The following UBN2 variants were observed in gnomAD, a reference collection of about 807,000 sequenced individuals.
The protein encoded by UBN2 is ubinuclein 2.
In UBN2, 35 loss-of-function variants were observed where a neutral mutation model predicts 120.2. That is an observed-to-expected ratio of 0.29 (90% CI 0.22 to 0.39). The LOEUF (loss-of-function observed/expected upper bound fraction) is 0.39. UBN2 is among the 10% of genes least tolerant of loss of function. The pLI, the probability that UBN2 is intolerant of heterozygous loss-of-function variation, is 1.00. For synonymous variants in UBN2, 661 were observed against 648.7 expected, an observed-to-expected ratio of 1.02 and a Z score of -0.29; for missense variants, 1,693 against 1,663.2, an observed-to-expected ratio of 1.02 and a Z score of -0.31.
chr7:139,258,124 T>G (rs1023406856), intron 3 of UBN2, among the ~76,000 whole-genome samples: 7 of 152,266 alleles, frequency 4.6e-5, no homozygotes, highest in African/African-American at 1.7e-4. Flanking sequence ...ATTTACTCCT[T>G]ATCTGGACAC....
intron 2 of UBN2, among the ~76,000 whole-genome samples, chr7:139,246,852 G>C (rs573366048): frequency 6.6e-6 from 1 of 152,228 alleles, no homozygotes; most frequent in Non-Finnish European, 1.5e-5. Flanking sequence ...ACTTAGCATA[G>C]TACTTTTGAA....
the UBN2 span, among the ~76,000 whole-genome samples, chr7:139,314,615 A>G: frequency 2.0e-5 from 3 of 151,830 alleles, no homozygotes. Context: ...CCTCCCAAGT[A>G]GCTGGAATTA....
chr7:139,243,442 G>A (rs1357051005), intron 2 of UBN2, among the ~76,000 whole-genome samples: 1 of 152,166 alleles, frequency 6.6e-6, no homozygotes, highest in African/African-American at 2.4e-5. Context: ...GAAAAAGAGA[G>A]TAATTCAACA....
downstream of UBN2, among the ~76,000 whole-genome samples, chr7:139,309,696 C>T (rs1041028270): frequency 2.6e-5 from 4 of 152,148 alleles, no homozygotes; most frequent in Non-Finnish European, 5.9e-5. Context: ...CATGGAGAAA[C>T]CCCGTCTTCT....
chr7:139,308,527 A>T (rs1172656987), downstream of UBN2, among the ~76,000 whole-genome samples: 1 of 152,092 alleles, frequency 6.6e-6, no homozygotes, highest in African/African-American at 2.4e-5. Context: ...ATGTGGGAAG[A>T]CTCAGTGCAG....
At chr7:139,289,613 T>C (rs912906541) in intron 15 of UBN2, among the ~76,000 whole-genome samples, 23 of 152,016 alleles carry the variant, frequency 1.5e-4, no homozygotes, top group African/African-American at 5.6e-4. Flanking sequence ...TGTTTCACCA[T>C]GTTGGCCAGG....
chr7:139,255,202 A>G (rs949216579), intron 3 of UBN2, among the ~76,000 whole-genome samples: 15 of 152,198 alleles, frequency 9.9e-5, no homozygotes, highest in African/African-American at 3.6e-4. Context: ...ATCATATAGT[A>G]TGTAACTTTT....
At chr7:139,241,998 C>T (rs144596738) in intron 2 of UBN2, among the ~76,000 whole-genome samples, 2 of 151,282 alleles carry the variant, frequency 1.3e-5, no homozygotes, top group Non-Finnish European at 3.0e-5. Context: ...AATCCAGCTC[C>T]CCCCCCCAAA....
chr7:139,249,652 G>A (rs370692401), intron 2 of UBN2, among the ~76,000 whole-genome samples: 1 of 152,156 alleles, frequency 6.6e-6, no homozygotes, highest in Non-Finnish European at 1.5e-5. Context: ...CTGTGGCTTA[G>A]TGGTGGCATG....
At chr7:139,295,429 G>A (rs891395593) in intron 17 of UBN2, among the ~76,000 whole-genome samples, 2 of 152,064 alleles carry the variant, frequency 1.3e-5, no homozygotes, top group Admixed American at 1.3e-4. Flanking sequence ...TCCAGCTGAG[G>A]GTAGTGTACT....
chr7:139,292,118 G>A (rs1797975580), intron 15 of UBN2, among the ~76,000 whole-genome samples: 1 of 151,726 alleles, frequency 6.6e-6, no homozygotes, highest in Non-Finnish European at 1.5e-5. Context: ...GCCGGGTATA[G>A]TGGCATGTGC....
At chr7:139,256,663 C>T (rs1237720580) in intron 3 of UBN2, among the ~76,000 whole-genome samples, 3 of 152,226 alleles carry the variant, frequency 2.0e-5, no homozygotes, top group East Asian at 1.9e-4. Context: ...AGTTAGTTTT[C>T]GAAATTATTA....
intron 2 of UBN2, among the ~76,000 whole-genome samples, chr7:139,240,456 T>TATATATATA (rs1323673209): frequency 4.0e-5 from 3 of 75,758 alleles, no homozygotes; most frequent in African/African-American, 1.0e-4. Context: ...ATATATATAT[T>TATATATATA]TTTTTTTTTA....
rs1373502809 is a variant in UBN2, at chr7:139,303,343, G to C, written c.*5507G>C. On this transcript the variant is annotated 3_prime_UTR_variant, in exon 18 of 18. Transcript: ENST00000473989. ...GATGTGACATGTTAAGGGAGACCAA[G>C]TTGAACCATCCCTCAGACCCAGTAC... The C allele has an allele frequency of 6.6e-6, 1 of 152,184 alleles. No homozygotes were observed. The highest frequency in any genetic ancestry group is 1.5e-5 in the Non-Finnish European group (1 of 68,034). The allele number at this position is 152,184 out of a possible 1,614,324, so 9.4% of individuals were successfully genotyped here.
intron 2 of UBN2, among the ~76,000 whole-genome samples, chr7:139,244,074 C>T (rs1201312080): frequency 6.6e-6 from 1 of 152,180 alleles, no homozygotes; most frequent in South Asian, 2.1e-4. Flanking sequence ...AATCTCCTTC[C>T]TACCCCTGAC....
At chr7:139,243,738 C>G (rs932125455) in intron 2 of UBN2, among the ~76,000 whole-genome samples, 2 of 152,126 alleles carry the variant, frequency 1.3e-5, no homozygotes, top group Non-Finnish European at 2.9e-5. Context: ...GAAAACTACT[C>G]TAATGGCCTC....
chr7:139,283,416 A>C lies in UBN2; in HGVS notation c.2511A>C (p.Thr837=). The C allele has an allele frequency of 6.2e-7, 1 of 1,614,102 alleles. No homozygotes were observed. The highest frequency in any genetic ancestry group is 8.5e-7 in the Non-Finnish European group (1 of 1,180,026). Residue 837 remains threonine, a synonymous_variant, in exon 15 of 18, where the codon ACA becomes ACC. Coordinates refer to ENST00000473989, the MANE Select transcript of UBN2 (RefSeq NM_173569.4). ...CTTCAAGTCTTATTGCTGGTCACAC[A>C]GGGCCAGTACCAAAGAAACCCCAGG... ...THSSSLIAGH[T]GPVPKKPQDL...
At chr7:139,233,901 C>T (rs1796095930) in intron 1 of UBN2, among the ~76,000 whole-genome samples, 1 of 151,802 alleles carries the variant, frequency 6.6e-6, no homozygotes, top group Non-Finnish European at 1.5e-5. Context: ...TACTTATTAA[C>T]AGTATAGGTG....
At chr7:139,244,173 A>AT (rs975095498) in intron 2 of UBN2, among the ~76,000 whole-genome samples, 19 of 151,814 alleles carry the variant, frequency 1.3e-4, no homozygotes, top group East Asian at 3.9e-4. Flanking sequence ...TATTTCAAAG[A>AT]TTTTTTTTTG....
Sources: gnomAD v4.1 joint callset for allele counts (sites outside exome capture counted in the v4.1 genomes callset) on GRCh38, gnomAD v4.1.1 for gene constraint, MANE v1.5 for transcripts, NCBI Gene and HGNC (gene_info 2026-07-23, HGNC 2026-07-21) for gene names.